NUP37: variants seen among roughly 807,000 people sequenced by gnomAD.
NUP37 encodes the protein nucleoporin Nup37.
A neutral mutation model predicts 45.4 loss-of-function variants in NUP37; 33 were observed. The ratio of observed to expected loss-of-function variants is 0.73; its 90% CI spans 0.55 to 0.97. The LOEUF is 0.97. NUP37 is among the 50% of genes least tolerant of loss of function. The probability of loss-of-function intolerance (pLI) is 0.00; values close to 1 mark genes in which losing one functional copy is unlikely to be tolerated. For synonymous variants in NUP37, 127 were observed against 130.7 expected (o/e 0.97, Z 0.19); for missense variants, 365 against 389.7 (o/e 0.94, Z 0.53).
chr12:102,074,411 G>A lies in NUP37; in HGVS notation c.924C>T (p.Leu308=). 3 of 1,613,214 alleles carry A rather than the reference G, an allele frequency of 1.9e-6. No individual in the cohort carries two copies. Among genetic ancestry groups the A allele is most frequent in the Non-Finnish European group, 2.5e-6 (3 of 1,179,466 alleles). The part of the protein sequence containing the change: ...VGSGLSWHRT[L]PLCVIGGDHK... ...GGTCTCCTCCAATTACACACAGAGG[G>A]AGAGTTCGATGCCAGGACAGTCCAG... The change falls in exon 10 of 10, where the codon CTC becomes CTT. Residue 308 remains leucine (L), a synonymous_variant. Coordinates refer to ENST00000552283, the MANE Select transcript of NUP37 (RefSeq NM_024057.4).
intron 3 of NUP37, among the ~76,000 whole-genome samples, chr12:102,109,694 C>T (rs889046397): frequency 1.3e-5 from 2 of 151,998 alleles, no homozygotes; most frequent in African/African-American, 4.8e-5. Flanking sequence ...GACAGTTTAC[C>T]AAAAAATAAG....
At chr12:102,106,685 G>C (rs1374286007) in intron 3 of NUP37, among the ~76,000 whole-genome samples, 1 of 151,988 alleles carries the variant, frequency 6.6e-6, no homozygotes, top group African/African-American at 2.4e-5. Flanking sequence ...GCTTTGATTT[G>C]GGACATTACA....
At chr12:102,076,170 T>G (rs560831287) in intron 8 of NUP37, among the ~76,000 whole-genome samples, 1 of 152,358 alleles carries the variant, frequency 6.6e-6, no homozygotes, top group East Asian at 1.9e-4. Context: ...AGGATGTATC[T>G]TAACGATCCA....
chr12:102,094,195 C>G (rs990354879), intron 5 of NUP37, among the ~76,000 whole-genome samples: 1 of 152,060 alleles, frequency 6.6e-6, no homozygotes, highest in African/African-American at 2.4e-5. Context: ...CCATTTTACC[C>G]CATTCTCAAG....
Position 102,074,023 on chromosome 12 carries a change from C to CA in NUP37, c.*330dup, listed in dbSNP as rs1879099693. On this transcript the variant is annotated 3_prime_UTR_variant, in exon 10 of 10. Transcript: ENST00000552283. The stretch of plus-strand genomic sequence containing the variant: ...GAGAATTAGAAAAACAGCATATACT[C>CA]AAAGTATAGAAAACAGGATACACTT... The CA allele has an allele frequency of 6.4e-6, 1 of 155,736 alleles. No individual in the cohort carries two copies. The highest frequency in any genetic ancestry group is 6.5e-5 in the Admixed American group (1 of 15,382). 9.6% of individuals were successfully genotyped at this position (155,736 alleles called of 1,614,324 possible).
chr12:102,118,559 CCTT>C lies in NUP37; in HGVS notation c.-44_-42del. On this transcript the variant is annotated 5_prime_UTR_variant, in exon 2 of 10. Transcript: ENST00000552283. Reference sequence around the variant, plus strand: ...TCAAGCAGTTGTGAAAATTAAATAGCCTTCTACTGGACAAGGTCACGAAACTGT... The same window carrying C: ...TCAAGCAGTTGTGAAAATTAAATAGCCTACTGGACAAGGTCACGAAACTGT... 6.3e-7 allele frequency: 1 copy of C among 1,582,812 alleles called. No homozygotes were observed. The highest frequency in any genetic ancestry group is 8.6e-7 in the Non-Finnish European group (1 of 1,162,780).
intron 3 of NUP37, among the ~76,000 whole-genome samples, chr12:102,108,538 T>A (rs1036647285): frequency 6.6e-6 from 1 of 152,198 alleles, no homozygotes; most frequent in African/African-American, 2.4e-5. Flanking sequence ...TCAATACTCC[T>A]TAATAAACTC....
At chr12:102,089,052 A>T (rs1021257818) in intron 5 of NUP37, among the ~76,000 whole-genome samples, 4 of 152,200 alleles carry the variant, frequency 2.6e-5, no homozygotes, top group African/African-American at 9.7e-5. Context: ...ACAGCATCCC[A>T]AGGCAGAAGA....
intron 5 of NUP37, among the ~76,000 whole-genome samples, chr12:102,087,317 A>T (rs368255095): frequency 6.6e-6 from 1 of 152,256 alleles, no homozygotes; most frequent in Non-Finnish European, 1.5e-5. Context: ...GCCAAAACAC[A>T]TAACTTCAAA....
At chr12:102,088,336 T>A (rs1343904085) in intron 5 of NUP37, among the ~76,000 whole-genome samples, 1 of 152,188 alleles carries the variant, frequency 6.6e-6, no homozygotes, top group Non-Finnish European at 1.5e-5. Flanking sequence ...AGTCACTTTT[T>A]TTTGGGTAAA....
intron 5 of NUP37, among the ~76,000 whole-genome samples, chr12:102,092,629 A>G (rs959387117): frequency 3.9e-5 from 6 of 152,188 alleles, no homozygotes; most frequent in African/African-American, 1.2e-4. Flanking sequence ...ACATTTTGCA[A>G]AAGAATTCAG....
At chr12:102,075,464 G>T (rs1879142180) in intron 8 of NUP37, among the ~76,000 whole-genome samples, 1 of 152,136 alleles carries the variant, frequency 6.6e-6, no homozygotes, top group Non-Finnish European at 1.5e-5. Flanking sequence ...TTATAGGTAT[G>T]AGCCATAGCA....
chr12:102,087,717 G>A (rs1879512935), intron 5 of NUP37, among the ~76,000 whole-genome samples: 1 of 152,134 alleles, frequency 6.6e-6, no homozygotes, highest in Non-Finnish European at 1.5e-5. Context: ...TCCCATGAGA[G>A]GATGGTTTAA....
At chr12:102,113,528 G>C (rs558769090) in intron 2 of NUP37, among the ~76,000 whole-genome samples, 27 of 152,106 alleles carry the variant, frequency 1.8e-4, no homozygotes, top group African/African-American at 6.0e-4. Context: ...AGGTAAAAAA[G>C]AAAATGATAA....
At chr12:102,083,532 T>A (rs1023475582) in intron 6 of NUP37, among the ~76,000 whole-genome samples, 30 of 152,244 alleles carry the variant, frequency 2.0e-4, no homozygotes, top group Non-Finnish European at 1.5e-4. Context: ...TATGTCATCA[T>A]TCTACTTAAT....
chr12:102,106,942 C>T (rs1477832602), intron 3 of NUP37, among the ~76,000 whole-genome samples: 3 of 152,186 alleles, frequency 2.0e-5, no homozygotes, highest in Admixed American at 6.5e-5. Context: ...CTTACCAGAT[C>T]ATTGCATCTG....
chr12:102,110,562 G>T (rs998421936), intron 3 of NUP37, among the ~76,000 whole-genome samples: 2 of 151,762 alleles, frequency 1.3e-5, no homozygotes, highest in African/African-American at 4.8e-5. Flanking sequence ...TTGGAGAATA[G>T]GCCAGGTATG....
intron 2 of NUP37, among the ~76,000 whole-genome samples, chr12:102,112,825 G>A (rs931140226): frequency 6.6e-6 from 1 of 152,142 alleles, no homozygotes; most frequent in African/African-American, 2.4e-5. Context: ...TGATTTTCAT[G>A]TAGTGTTACA....
chr12:102,087,893 TAATGA>T (rs1879517395), intron 5 of NUP37, among the ~76,000 whole-genome samples: 2 of 152,222 alleles, frequency 1.3e-5, no homozygotes, highest in African/African-American at 2.4e-5. Context: ...ACTGGTCAGT[TAATGA>T]AATGTATTCC....
Sources: gnomAD v4.1 joint callset for allele counts (sites outside exome capture counted in the v4.1 genomes callset) on GRCh38, gnomAD v4.1.1 for gene constraint, MANE v1.5 for transcripts, NCBI Gene and HGNC (gene_info 2026-07-23, HGNC 2026-07-21) for gene names.